SNX6: variants seen among roughly 807,000 people sequenced by gnomAD.
SNX6 encodes sorting nexin-6.
In SNX6, 34 loss-of-function variants were observed where a neutral mutation model predicts 63.0. That is an observed-to-expected ratio of 0.54 (90% CI 0.41 to 0.72). SNX6 has a LOEUF of 0.72. Ranked by LOEUF, SNX6 falls within the 30% of genes least tolerant of loss-of-function variation. The probability of loss-of-function intolerance (pLI) is 0.00; values close to 1 mark genes in which losing one functional copy is unlikely to be tolerated. For missense variants in SNX6, 398 were observed against 471.4 expected (o/e 0.84, Z 1.44); for synonymous variants, 170 against 164.2 (o/e 1.04, Z -0.27).
At chr14:34,605,410 C>T in intron 5 of SNX6, 186 bp downstream of exon 5, 1 of 408,294 alleles carries the variant, frequency 2.4e-6, no homozygotes, top group Non-Finnish European at 4.3e-6. Flanking sequence ...AACAATTATT[C>T]TATAATTTTC....
chr14:34,571,109 C>A lies in SNX6; in HGVS notation c.922-3096G>T, dbSNP rs975117310. The stretch of plus-strand genomic sequence containing the variant: ...CCAGACAATGGAATATTATTCAGCA[C>A]TAAGAAGAAATGAGCTATCAAGCCA... On this transcript the variant is annotated intron_variant, in intron 11 of 13. Transcript: ENST00000362031. 5.9e-5 allele frequency among the ~76,000 whole-genome samples: 9 copies of A among 151,810 alleles called. No homozygotes were observed. In the East Asian group the frequency reaches 1.8e-3, roughly 30 times the overall value.
At chr14:34,596,237 G>C (rs1486194726) in intron 7 of SNX6, among the ~76,000 whole-genome samples, 1 of 150,778 alleles carries the variant, frequency 6.6e-6, no homozygotes, top group African/African-American at 2.4e-5. Flanking sequence ...AAAGAAAAAA[G>C]AAAAATATAG....
At chr14:34,627,302 C>G (rs964526213) in intron 2 of SNX6, among the ~76,000 whole-genome samples, 2 of 152,102 alleles carry the variant, frequency 1.3e-5, no homozygotes, top group Non-Finnish European at 2.9e-5. Flanking sequence ...AAAAAATTAG[C>G]CAGGTGCGGT....
At chr14:34,563,575 GA>G (rs200575142) in intron 13 of SNX6, among the ~76,000 whole-genome samples, 14,529 of 142,694 alleles carry the variant, frequency 0.1, 1,758 homozygotes, top group African/African-American at 0.3. Flanking sequence ...AAAAAAATAA[GA>G]AAAAAAAAAT....
chr14:34,627,761 A>T (rs1283104292), intron 2 of SNX6, among the ~76,000 whole-genome samples: 1 of 152,020 alleles, frequency 6.6e-6, no homozygotes, highest in Non-Finnish European at 1.5e-5. Flanking sequence ...AAGTGCTGGG[A>T]TTACAGGCGT....
Position 34,605,710 on chromosome 14 carries a change from G to A in SNX6, c.278C>T (p.Pro93Leu). 1.3e-6 allele frequency: 2 copies of A among 1,592,458 alleles called. No homozygotes were observed. The highest frequency in any genetic ancestry group is 2.3e-5 in the East Asian group (1 of 44,356). The change falls in exon 5 of 14, where the codon CCA becomes CTA. Residue 93 changes from proline (P) to leucine (L), a missense_variant. Coordinates refer to ENST00000362031, the MANE Select transcript of SNX6 (RefSeq NM_152233.4). ...ATCAAAATCAGGTCTTGGTGGTGCT[G>A]GTGGAATCTGTAACAGGACCAAATG... ...NEDYAGYIIP[P>L]APPRPDFDAS...
chr14:34,580,835 T>C (rs1161327700), intron 10 of SNX6, among the ~76,000 whole-genome samples: 2 of 151,802 alleles, frequency 1.3e-5, no homozygotes, highest in East Asian at 1.9e-4. Flanking sequence ...TTAAACGTTT[T>C]GTAGAGGCAG....
At chr14:34,615,874 T>A (rs1248827627) in intron 2 of SNX6, among the ~76,000 whole-genome samples, 1 of 152,208 alleles carries the variant, frequency 6.6e-6, no homozygotes, top group Non-Finnish European at 1.5e-5. Context: ...GTATAAAATA[T>A]CACTGAAAAG....
intron 2 of SNX6, among the ~76,000 whole-genome samples, chr14:34,625,499 G>A (rs573983917): frequency 1.3e-5 from 2 of 152,160 alleles, no homozygotes; most frequent in African/African-American, 2.4e-5. Context: ...TTGGGAGGCC[G>A]AGGCGGGCAG....
At position 34,630,126 on chromosome 14, in the gene SNX6, G is replaced by T. The variant is rs756508092; in HGVS notation, c.-10C>A. The T allele has an allele frequency of 7.4e-7, 1 of 1,347,236 alleles. No individual in the cohort carries two copies. The highest frequency in any genetic ancestry group is 1.9e-5 in the South Asian group (1 of 53,278). 83.5% of individuals were successfully genotyped at this position (1,347,236 alleles called of 1,614,324 possible). A position where few individuals can be genotyped will look rare whatever the true frequency, so the allele number is the denominator to read the frequency against. On this transcript the variant is annotated 5_prime_UTR_variant, in exon 1 of 14. Transcript: ENST00000362031. Reference sequence around the variant, plus strand: ...GAACACCCACCATCATGGCTGCTCCGAGGCGAGGGCCGGCGCAGGCGCGCA... The same window carrying T: ...GAACACCCACCATCATGGCTGCTCCTAGGCGAGGGCCGGCGCAGGCGCGCA...
chr14:34,621,693 T>C (rs1186473809), intron 2 of SNX6, among the ~76,000 whole-genome samples: 1 of 152,178 alleles, frequency 6.6e-6, no homozygotes. Flanking sequence ...CTACATTCTA[T>C]GTTTTCTCCT....
Position 34,562,263 on chromosome 14 carries a change from T to A in SNX6, c.*859A>T, listed in dbSNP as rs1473571382. The A allele has an allele frequency of 7.2e-5, 11 of 152,466 alleles. No homozygotes were observed. In the East Asian group the frequency reaches 2.1e-3, roughly 29 times the overall value. 9.4% of individuals were successfully genotyped at this position (152,466 alleles called of 1,614,324 possible). On this transcript the variant is annotated 3_prime_UTR_variant, in exon 14 of 14. Transcript: ENST00000362031. Reference sequence around the variant, plus strand: ...CCTGTATTTCAGGAATAACTGTCACTAACCTGCCTCTGTCCGATTCCACCT... The same window carrying A: ...CCTGTATTTCAGGAATAACTGTCACAAACCTGCCTCTGTCCGATTCCACCT...
At chr14:34,619,433 T>C (rs777530767) in intron 2 of SNX6, among the ~76,000 whole-genome samples, 2 of 151,272 alleles carry the variant, frequency 1.3e-5, no homozygotes, top group Admixed American at 6.6e-5. Context: ...AAAAAATATA[T>C]ATATATATAT....
intron 2 of SNX6, among the ~76,000 whole-genome samples, chr14:34,619,472 AATAAAT>A (rs917450327): frequency 5.3e-5 from 8 of 152,028 alleles, no homozygotes; most frequent in Non-Finnish European, 8.8e-5. Flanking sequence ...AGAGAGATAG[AATAAAT>A]ATAAACACTA....
At chr14:34,568,953 A>G (rs1881317619) in intron 11 of SNX6, 1 of 1,374,664 alleles carries the variant, frequency 7.3e-7, no homozygotes, top group South Asian at 1.2e-5. Flanking sequence ...ACGCTGTGGA[A>G]GCAGCTCGCG....
intron 2 of SNX6, among the ~76,000 whole-genome samples, chr14:34,623,932 T>A (rs1000115399): frequency 1.2e-4 from 18 of 152,010 alleles, no homozygotes; most frequent in African/African-American, 2.9e-4. Context: ...AGAAAAAAAA[T>A]GTGTCCAATT....
At chr14:34,611,683 G>C (rs1883234032) in intron 2 of SNX6, among the ~76,000 whole-genome samples, 1 of 148,838 alleles carries the variant, frequency 6.7e-6, no homozygotes, top group Non-Finnish European at 1.5e-5. Context: ...TTGGGAGGCG[G>C]AGGTTGCGCT....
At chr14:34,578,097 G>A (rs1034677608) in intron 10 of SNX6, among the ~76,000 whole-genome samples, 1 of 151,968 alleles carries the variant, frequency 6.6e-6, no homozygotes, top group Non-Finnish European at 1.5e-5. Context: ...CCAGGTACTT[G>A]GGAGGCTGAG....
intron 11 of SNX6, among the ~76,000 whole-genome samples, chr14:34,569,903 T>G (rs1310313751): frequency 6.6e-6 from 1 of 152,196 alleles, no homozygotes; most frequent in African/African-American, 2.4e-5. Context: ...TATTAAGGAA[T>G]GAAATCACTG....
Sources: gnomAD v4.1 joint callset for allele counts (sites outside exome capture counted in the v4.1 genomes callset) on GRCh38, gnomAD v4.1.1 for gene constraint, MANE v1.5 for transcripts, NCBI Gene and HGNC (gene_info 2026-07-23, HGNC 2026-07-21) for gene names.